GPC5: variants seen among roughly 807,000 people sequenced by gnomAD.
The protein encoded by GPC5 is glypican 5.
Under a neutral mutation model 53.9 loss-of-function variants are expected in GPC5, and 47 were observed. That is an observed-to-expected ratio of 0.87 (90% CI 0.69 to 1.11). The LOEUF (loss-of-function observed/expected upper bound fraction) is 1.11. GPC5 is among the 50% of genes most tolerant of loss of function. The pLI is 0.00. For missense variants in GPC5, 748 were observed against 713.1 expected, an observed-to-expected ratio of 1.05 and a Z score of -0.56; for synonymous variants, 286 against 263.3, an observed-to-expected ratio of 1.09 and a Z score of -0.84.
At chr13:91,928,096 G>A (rs1305639696) in intron 6 of GPC5, among the ~76,000 whole-genome samples, 2 of 152,174 alleles carry the variant, frequency 1.3e-5, no homozygotes, top group African/African-American at 4.8e-5. Flanking sequence ...CAGTTACTGA[G>A]CTATTAGACT....
intron 7 of GPC5, among the ~76,000 whole-genome samples, chr13:92,518,290 CT>C (rs1244649996): frequency 6.6e-6 from 1 of 152,176 alleles, no homozygotes; most frequent in East Asian, 1.9e-4. Flanking sequence ...CACAAAGATA[CT>C]CCTCAAGAAG....
chr13:91,561,994 T>C (rs1249142451), intron 2 of GPC5, among the ~76,000 whole-genome samples: 1 of 152,046 alleles, frequency 6.6e-6, no homozygotes, highest in Admixed American at 6.6e-5. Flanking sequence ...TTGCACATAA[T>C]AATTCAATAC....
In GPC5 at chr13:92,125,651, G is replaced by A. The variant is rs184171724; in HGVS notation, c.1402-19179G>A. ...AGTTCAAGTCAGTGGGAAAATCATTGGTAGAGTTGTATTATTTAAGCATTG... is the reference window on the plus strand; with the variant it reads ...AGTTCAAGTCAGTGGGAAAATCATTAGTAGAGTTGTATTATTTAAGCATTG... On this transcript the variant is annotated intron_variant, in intron 6 of 7. Coordinates refer to ENST00000377067, the MANE Select transcript of GPC5 (RefSeq NM_004466.6). Among the ~76,000 whole-genome samples the A allele has an allele frequency of 2.6e-3, 396 of 152,174 alleles. 2 individuals are homozygous for A. The highest frequency in any genetic ancestry group is 8.9e-3 in the African/African-American group (371 of 41,504).
intron 6 of GPC5, among the ~76,000 whole-genome samples, chr13:92,139,800 GA>G (rs1384442987): frequency 6.6e-6 from 1 of 152,002 alleles, no homozygotes; most frequent in Non-Finnish European, 1.5e-5. Flanking sequence ...GGTCTTTGAT[GA>G]TTTTCAGAGA....
intron 5 of GPC5, among the ~76,000 whole-genome samples, chr13:91,904,132 T>TTTTC (rs1300302638): frequency 3.7e-5 from 5 of 134,970 alleles, no homozygotes; most frequent in Non-Finnish European, 6.1e-5. Context: ...TTTTACTTTC[T>TTTTC]TTTCTTTCTT....
intron 2 of GPC5, among the ~76,000 whole-genome samples, chr13:91,558,963 A>C (rs1292047182): frequency 6.6e-6 from 1 of 152,002 alleles, no homozygotes; most frequent in African/African-American, 2.4e-5. Flanking sequence ...TTAATAGTTA[A>C]TTTCTTGTTC....
chr13:92,776,936 T>C (rs2138756134), intron 7 of GPC5, among the ~76,000 whole-genome samples: 1 of 145,218 alleles, frequency 6.9e-6, no homozygotes, highest in East Asian at 2.1e-4. Flanking sequence ...AGCAGGAGGA[T>C]ATGTTGAGCC....
At chr13:91,846,158 C>A (rs376473715) in intron 5 of GPC5, among the ~76,000 whole-genome samples, 1 of 152,120 alleles carries the variant, frequency 6.6e-6, no homozygotes, top group African/African-American at 2.4e-5. Flanking sequence ...CGGTAAGACA[C>A]TTTACATATC....
At chr13:92,048,335 A>G (rs1408429555) in intron 6 of GPC5, among the ~76,000 whole-genome samples, 1 of 152,034 alleles carries the variant, frequency 6.6e-6, no homozygotes, top group East Asian at 1.9e-4. Context: ...CTTTGTATTC[A>G]AAATTGAGAT....
intron 2 of GPC5, among the ~76,000 whole-genome samples, chr13:91,669,533 A>G (rs74104962): frequency 2.6e-4 from 40 of 152,212 alleles, no homozygotes; most frequent in African/African-American, 8.0e-4. Context: ...TCTAAGAGAA[A>G]TCTCATTATG....
intron 6 of GPC5, among the ~76,000 whole-genome samples, chr13:92,079,315 C>T (rs895744650): frequency 6.6e-6 from 1 of 152,108 alleles, no homozygotes; most frequent in Non-Finnish European, 1.5e-5. Flanking sequence ...CTCCCAATGT[C>T]TTGTGATTAC....
At chr13:91,850,578 C>G (rs2038901495) in intron 5 of GPC5, among the ~76,000 whole-genome samples, 2 of 152,038 alleles carry the variant, frequency 1.3e-5, no homozygotes, top group Admixed American at 6.6e-5. Context: ...AGGGATGTCT[C>G]TAGATTACAG....
intron 7 of GPC5, among the ~76,000 whole-genome samples, chr13:92,472,934 C>T (rs1055167214): frequency 1.3e-5 from 2 of 151,926 alleles, no homozygotes; most frequent in African/African-American, 4.8e-5. Context: ...TGAATAGTAC[C>T]TTATTTATGA....
chr13:91,833,108 A>G (rs1038638723), intron 5 of GPC5, among the ~76,000 whole-genome samples: 4 of 152,236 alleles, frequency 2.6e-5, no homozygotes, highest in African/African-American at 4.8e-5. Flanking sequence ...AGCGAATACT[A>G]TAAACACCTC....
intron 7 of GPC5, among the ~76,000 whole-genome samples, chr13:92,679,636 C>A (rs1887053606): frequency 6.7e-6 from 1 of 148,370 alleles, no homozygotes; most frequent in South Asian, 2.2e-4. Flanking sequence ...CTTAATAGTT[C>A]TCAAGGGCTC....
chr13:92,334,860 G>C (rs1594108174), intron 7 of GPC5, among the ~76,000 whole-genome samples: 1 of 152,124 alleles, frequency 6.6e-6, no homozygotes, highest in East Asian at 1.9e-4. Context: ...GCAAAAGGTG[G>C]GTTCCCATGG....
chr13:92,679,829 C>T (rs1008889304), intron 7 of GPC5, among the ~76,000 whole-genome samples: 1 of 152,086 alleles, frequency 6.6e-6, no homozygotes, highest in African/African-American at 2.4e-5. Flanking sequence ...CTCTCTCTCG[C>T]TCGCGTGCGT....
intron 7 of GPC5, among the ~76,000 whole-genome samples, chr13:92,500,422 A>G (rs779795961): frequency 2.1e-4 from 32 of 152,164 alleles, no homozygotes; most frequent in Non-Finnish European, 4.4e-4. Flanking sequence ...CCCCAGGAGT[A>G]GAGAGCAATC....
At chr13:92,654,235 C>A in intron 7 of GPC5, among the ~76,000 whole-genome samples, 1 of 152,260 alleles carries the variant, frequency 6.6e-6, no homozygotes, top group Admixed American at 6.5e-5. Flanking sequence ...AGAGTCACAG[C>A]TTCTAATAAT....
Sources: allele counts gnomAD v4.1 joint callset (sites outside exome capture counted in the v4.1 genomes callset), GRCh38; gene constraint gnomAD v4.1.1; transcripts MANE v1.5; gene names NCBI Gene and HGNC (gene_info 2026-07-23, HGNC 2026-07-21).